The following SCARB2 variants were observed in gnomAD, a reference collection of about 807,000 sequenced individuals.
The protein encoded by SCARB2 is lysosome membrane protein 2.
SCARB2 carries 29 observed loss-of-function variants against 58.6 expected under a neutral mutation model. The ratio of observed to expected loss-of-function variants is 0.49; its 90% CI spans 0.37 to 0.67. The LOEUF is 0.67. SCARB2 is among the 30% of genes least tolerant of loss of function. SCARB2 has a pLI of 0.00. For synonymous variants in SCARB2, 195 were observed against 210.1 expected (o/e 0.93, Z 0.62); for missense variants, 488 against 578.5 (o/e 0.84, Z 1.60).
chr4:76,173,421 CCTGGGTTCAA>C (rs1732175991), intron 7 of SCARB2: 1 of 152,330 alleles, frequency 6.6e-6, no homozygotes, highest in Non-Finnish European at 1.5e-5. Flanking sequence ...ACCTCGAACT[CCTGGGTTCAA>C]GCAATCTCTC....
upstream of SCARB2, among the ~76,000 whole-genome samples, chr4:76,214,728 C>T (rs573624656): frequency 9.5e-4 from 145 of 152,314 alleles, no homozygotes; most frequent in African/African-American, 3.2e-3. Context: ...TCTACGCCAG[C>T]CCTTTACTAG....
chr4:76,172,601 T>G (rs1390493767), intron 7 of SCARB2: 4 of 152,016 alleles, frequency 2.6e-5, no homozygotes, highest in African/African-American at 9.7e-5. Flanking sequence ...AAGCCAGGTG[T>G]GGGGGTCACT....
chr4:76,199,354 T>C (rs941129242), intron 1 of SCARB2, among the ~76,000 whole-genome samples: 1 of 152,208 alleles, frequency 6.6e-6, no homozygotes, highest in African/African-American at 2.4e-5. Context: ...AACAAATAAT[T>C]TTATAATATA....
At chr4:76,178,521 G>A (rs551906251) in intron 4 of SCARB2, among the ~76,000 whole-genome samples, 2 of 152,316 alleles carry the variant, frequency 1.3e-5, no homozygotes, top group East Asian at 1.9e-4. Flanking sequence ...AAAGGGCCTC[G>A]AGGGAACCTT....
Position 76,222,836 on chromosome 4 carries a change from T to C in SCARB2, c.-358+11467A>G, listed in dbSNP as rs1405493848. Among the ~76,000 whole-genome samples the C allele has an allele frequency of 2.6e-5, 4 of 152,206 alleles. No homozygotes were observed. In the East Asian group the frequency reaches 5.8e-4, roughly 22 times the overall value. On this transcript the variant is annotated intron_variant, in intron 1 of 11. Coordinates refer to the SCARB2 transcript ENST00000638295. ...ACCCTGGTCATGGATATTTCTACCA[T>C]GGAGGACTAGTAAGCCCCAGCTGAG...
At chr4:76,180,373 T>A (rs922184857) in intron 3 of SCARB2, 5 of 151,742 alleles carry the variant, frequency 3.3e-5, no homozygotes, top group African/African-American at 9.7e-5. Flanking sequence ...AAATTAATAA[T>A]AAATAAATTA....
intron 10 of SCARB2, chr4:76,164,893 C>T (rs1731970476): frequency 6.6e-6 from 1 of 151,942 alleles, no homozygotes; most frequent in Non-Finnish European, 1.5e-5. Context: ...GAGTTTCCTC[C>T]TCGGTAAAAA....
intron 2 of SCARB2, among the ~76,000 whole-genome samples, chr4:76,185,560 A>C (rs1478342986): frequency 6.6e-6 from 1 of 152,218 alleles, no homozygotes; most frequent in Non-Finnish European, 1.5e-5. Context: ...CAGGCAGGAA[A>C]ATTCATGGTT....
chr4:76,217,504 ACC>A (rs1733228712), upstream of SCARB2: 2 of 413,932 alleles, frequency 4.8e-6, no homozygotes, highest in South Asian at 8.6e-5. Flanking sequence ...AAGAGCTGGC[ACC>A]TCCTCCTTCT....
chr4:76,205,690 G>A (rs1732916603), intron 1 of SCARB2, among the ~76,000 whole-genome samples: 2 of 152,176 alleles, frequency 1.3e-5, no homozygotes, highest in Admixed American at 1.3e-4. Context: ...GATGGCTAGG[G>A]CAAATGAGTG....
At chr4:76,204,413 T>C (rs1016392077) in intron 1 of SCARB2, among the ~76,000 whole-genome samples, 7 of 152,204 alleles carry the variant, frequency 4.6e-5, no homozygotes, top group African/African-American at 1.7e-4. Flanking sequence ...CAGATTCAAA[T>C]GTAGCTCATG....
At position 76,176,121 on chromosome 4, in the gene SCARB2, C is replaced by T. The variant is rs189659768; in HGVS notation, c.705-211G>A. 4.7e-6 allele frequency: 3 copies of T among 633,664 alleles called. No individual in the cohort carries two copies. In the East Asian group the frequency reaches 8.2e-5, roughly 17 times the overall value. 39.3% of individuals were successfully genotyped at this position (633,664 alleles called of 1,614,324 possible). A position where few individuals can be genotyped will look rare whatever the true frequency, so the allele number is the denominator to read the frequency against. On this transcript the variant is annotated intron_variant, in intron 5 of 11. Coordinates refer to ENST00000264896, the MANE Select transcript of SCARB2 (RefSeq NM_005506.4). ...TCATAGAGGCAATGGCCAAATAGCC[C>T]AAAACATGTGGTGGTTTGAAAAGTA... is the stretch of plus-strand genomic sequence containing the variant.
chr4:76,199,802 G>A (rs909551270), intron 1 of SCARB2, among the ~76,000 whole-genome samples: 1 of 152,096 alleles, frequency 6.6e-6, no homozygotes. Flanking sequence ...GTGAGGAACC[G>A]AAAAAGGGAG....
At chr4:76,215,236 GGC>G (rs1733182316), upstream of SCARB2, among the ~76,000 whole-genome samples, 1 of 152,204 alleles carries the variant, frequency 6.6e-6, no homozygotes, top group African/African-American at 2.4e-5. Context: ...ACATTTTCTT[GGC>G]AACTATAGTG....
At chr4:76,171,323 C>A (rs62302649) in intron 7 of SCARB2, among the ~76,000 whole-genome samples, 30,925 of 152,004 alleles carry the variant, frequency 0.2, 3,624 homozygotes, top group East Asian at 0.35. Context: ...AACTCTCACA[C>A]AACCTCAAGA....
At chr4:76,164,396 C>G (rs1431177026) in intron 10 of SCARB2, 1 of 152,014 alleles carries the variant, frequency 6.6e-6, no homozygotes, top group Non-Finnish European at 1.5e-5. Flanking sequence ...TGACTGTAAT[C>G]CCAGCACTTT....
chr4:76,232,131 C>G (rs964509978), intron 1 of SCARB2, among the ~76,000 whole-genome samples: 2 of 152,194 alleles, frequency 1.3e-5, no homozygotes, highest in African/African-American at 2.4e-5. Flanking sequence ...CAGAAGTATA[C>G]CTTGCTTAAT....
chr4:76,198,843 T>TGA lies in SCARB2; in HGVS notation c.118-2980_118-2979insTC, dbSNP rs368695668. Among the ~76,000 whole-genome samples the TGA allele has an allele frequency of 3.1e-3, 286 of 93,038 alleles. 2 individuals carry two copies. In the East Asian group the frequency reaches 0.072, roughly 23 times the overall value. The allele number at this position is 93,038 out of a possible 152,430, so 61.0% of individuals were successfully genotyped here. ...GATCACGTGCTGGAGAGTGAGTGAG[T>TGA]GTGTGTGTGTGTGTGTGTGTGTGTG... On this transcript the variant is annotated intron_variant, in intron 1 of 11. Coordinates refer to ENST00000264896, the MANE Select transcript of SCARB2 (RefSeq NM_005506.4).
intron 2 of SCARB2, chr4:76,194,329 A>C (rs1732665034): frequency 6.6e-6 from 1 of 152,234 alleles, no homozygotes; most frequent in South Asian, 2.1e-4. Context: ...CTTAAGTATC[A>C]CTAATTATGT....
Sources: allele counts gnomAD v4.1 joint callset (sites outside exome capture counted in the v4.1 genomes callset), GRCh38; gene constraint gnomAD v4.1.1; transcripts MANE v1.5; gene names NCBI Gene and HGNC (gene_info 2026-07-23, HGNC 2026-07-21).